CCDC63: variants seen among roughly 807,000 people sequenced by gnomAD.
The protein encoded by CCDC63 is coiled-coil domain-containing protein 63.
In CCDC63, 54 loss-of-function variants were observed where a neutral mutation model predicts 63.6. That is an observed-to-expected ratio of 0.85 (90% CI 0.68 to 1.07). The LOEUF (loss-of-function observed/expected upper bound fraction) is 1.07, where lower values mean the gene tolerates loss of function less well. CCDC63 is among the 50% of genes least tolerant of loss of function. CCDC63 has a pLI of 0.00. For synonymous variants in CCDC63, 253 were observed against 266.1 expected, an observed-to-expected ratio of 0.95 and a Z score of 0.48; for missense variants, 637 against 689.6, an observed-to-expected ratio of 0.92 and a Z score of 0.86.
chr12:110,899,862 G>A (rs748924838), intron 10 of CCDC63, among the ~76,000 whole-genome samples: 4 of 151,608 alleles, frequency 2.6e-5, no homozygotes, highest in South Asian at 4.2e-4. Flanking sequence ...GAAAACTCTC[G>A]GCAAACTAGA....
chr12:110,860,347 C>T (rs1027608137), intron 4 of CCDC63, among the ~76,000 whole-genome samples: 1 of 152,176 alleles, frequency 6.6e-6, no homozygotes, highest in Non-Finnish European at 1.5e-5. Context: ...CATAGCTCTT[C>T]CCACCATTGT....
At chr12:110,868,769 G>GGGAGAGGGAGAT (rs2071022319) in intron 4 of CCDC63, among the ~76,000 whole-genome samples, 1 of 117,326 alleles carries the variant, frequency 8.5e-6, no homozygotes, top group African/African-American at 3.2e-5. Flanking sequence ...GGGAGGGGGA[G>GGGAGAGGGAGAT]GGAGAGGGAG....
intron 11 of CCDC63, among the ~76,000 whole-genome samples, chr12:110,905,612 C>T (rs1450405018): frequency 6.6e-6 from 1 of 151,496 alleles, no homozygotes; most frequent in Non-Finnish European, 1.5e-5. Context: ...GCTCATCCAC[C>T]CATGCAGTGG....
At chr12:110,847,423 T>C (rs1457178098) in intron 1 of CCDC63, among the ~76,000 whole-genome samples, 3 of 151,688 alleles carry the variant, frequency 2.0e-5, no homozygotes, top group East Asian at 3.9e-4. Flanking sequence ...GGCGTGGTGG[T>C]GCCACCTGTA....
At chr12:110,882,985 C>T (rs1405355509) in intron 7 of CCDC63, among the ~76,000 whole-genome samples, 1 of 151,974 alleles carries the variant, frequency 6.6e-6, no homozygotes, top group African/African-American at 2.4e-5. Flanking sequence ...ACTTTGCCCT[C>T]CCGAGTAGCT....
intron 2 of CCDC63, 63 bp downstream of exon 2, chr12:110,853,026 C>A (rs2070725342): frequency 6.5e-7 from 1 of 1,536,032 alleles, no homozygotes; most frequent in African/African-American, 1.4e-5. Flanking sequence ...GTGCCATCCA[C>A]TTTACACGTT....
At position 110,889,335 on chromosome 12, in the gene CCDC63, G is replaced by A. The variant is rs754599975; in HGVS notation, c.1075-3741G>A. On this transcript the variant is annotated intron_variant, in intron 8 of 11. Transcript: ENST00000308208. This position sits in a 1 kb window ranked among gnomAD's most constrained non-coding sequence, Gnocchi z 4.1. The stretch of plus-strand genomic sequence containing the variant: ...AATAAACAACAAGCCCAATACTTAC[G>A]TAAGTTATAGAGTAAGTTAGAAAGG... Among the ~76,000 whole-genome samples, 1 of 152,108 alleles carries A rather than the reference G, an allele frequency of 6.6e-6. No individual in the cohort carries two copies. Among genetic ancestry groups the A allele is most frequent in the Non-Finnish European group, 1.5e-5 (1 of 68,022 alleles).
rs1156844846 is a variant in CCDC63 at position 110,889,449 on chromosome 12, ATC to A, written c.1075-3625_1075-3624del. On this transcript the variant is annotated intron_variant, in intron 8 of 11. Transcript: ENST00000308208. The surrounding 1 kb of genome is among the most constrained non-coding windows in gnomAD (Gnocchi z 4.1). ...GGCCCCGGGCAGTTGAGAAGTTAAG[ATC>A]TGAGTGAACTTACAGGTGAAGGATT... Among the ~76,000 whole-genome samples, 1 of 152,122 alleles carries A rather than the reference ATC, an allele frequency of 6.6e-6. No homozygotes were observed.
intron 5 of CCDC63, 94 bp downstream of exon 5, chr12:110,874,055 C>A: frequency 6.8e-7 from 1 of 1,467,384 alleles, no homozygotes; most frequent in Admixed American, 2.2e-5. Context: ...CAGAACATAC[C>A]CATTTCCCTG....
chr12:110,897,001 C>A (rs568600342), intron 9 of CCDC63, among the ~76,000 whole-genome samples: 36 of 152,310 alleles, frequency 2.4e-4, no homozygotes, highest in African/African-American at 7.0e-4. Context: ...GTCCTGGGAC[C>A]ACACTTTAAG....
At position 110,856,952 on chromosome 12, in the gene CCDC63, A is replaced by G. The variant is rs189776659; in HGVS notation, c.180-1634A>G. Among the ~76,000 whole-genome samples, 5 of 150,178 alleles carry G rather than the reference A, an allele frequency of 3.3e-5. No homozygotes were observed. In the East Asian group the frequency reaches 9.8e-4, roughly 29 times the overall value. ...CAACCTCTGCCACCTGGGCTCAAGC[A>G]ATCCTCCCACCTCAGCTACTTTTAA... On this transcript the variant is annotated intron_variant, in intron 3 of 11. Transcript: ENST00000308208.
At position 110,907,489 on chromosome 12, in the gene CCDC63, G is replaced by A; in HGVS notation, c.*13G>A. ...AGTAACCATGTGAGGTGCATGCATGGGGCCACCTTTGCAACATAACCGAAA... is the reference window on the plus strand; with the variant it reads ...AGTAACCATGTGAGGTGCATGCATGAGGCCACCTTTGCAACATAACCGAAA... On this transcript the variant is annotated 3_prime_UTR_variant, in exon 12 of 12. Transcript: ENST00000308208. This position sits in a 1 kb window ranked among gnomAD's most constrained non-coding sequence, Gnocchi z 4.4. 1 of 1,613,988 alleles carries A rather than the reference G, an allele frequency of 6.2e-7. No individual in the cohort carries two copies.
chr12:110,899,199 G>T, intron 10 of CCDC63, 74 bp downstream of exon 10: 1 of 1,363,986 alleles, frequency 7.3e-7, no homozygotes. Flanking sequence ...ATAAGGCCTT[G>T]CTCTTATGGA....
intron 10 of CCDC63, among the ~76,000 whole-genome samples, chr12:110,900,072 G>A (rs1405969031): frequency 6.6e-6 from 1 of 151,922 alleles, no homozygotes; most frequent in Non-Finnish European, 1.5e-5. Context: ...AAATTAGCTG[G>A]GTGTGGTGGT....
intron 4 of CCDC63, among the ~76,000 whole-genome samples, chr12:110,868,459 C>G (rs1042895727): frequency 6.6e-6 from 1 of 150,588 alleles, no homozygotes; most frequent in Non-Finnish European, 1.5e-5. Flanking sequence ...ACTGAGTGAA[C>G]GAGACTCCGT....
At position 110,857,787 on chromosome 12, in the gene CCDC63, G is replaced by C. The variant is rs533599748; in HGVS notation, c.180-799G>C. ...ACTGGTGGAGCTTAGAGGCTATTAT[G>C]CATCCCTGTGTTGATGCAAACTTGA... is the stretch of plus-strand genomic sequence containing the variant. On this transcript the variant is annotated intron_variant, in intron 3 of 11. Transcript: ENST00000308208. Among the ~76,000 whole-genome samples the C allele has an allele frequency of 2.3e-4, 35 of 152,224 alleles. No homozygotes were observed. The Middle Eastern group carries it at 0.024, about 104-fold the overall frequency.
intron 9 of CCDC63, among the ~76,000 whole-genome samples, chr12:110,894,569 A>G (rs1592784137): frequency 6.6e-6 from 1 of 152,148 alleles, no homozygotes; most frequent in Non-Finnish European, 1.5e-5. Context: ...AGCAAAGCAC[A>G]TGCTGCCCAT....
intron 1 of CCDC63, among the ~76,000 whole-genome samples, chr12:110,850,859 A>G (rs1410505469): frequency 6.6e-6 from 1 of 152,104 alleles, no homozygotes; most frequent in Non-Finnish European, 1.5e-5. Flanking sequence ...TTTTCTGAAC[A>G]CTCCTTTCAG....
chr12:110,876,464 C>A (rs78087594), intron 5 of CCDC63, among the ~76,000 whole-genome samples: 2,821 of 152,176 alleles, frequency 0.019, 88 homozygotes, highest in African/African-American at 0.063. Context: ...GCCCAGGATG[C>A]AACATTTTAG....
Sources: allele counts gnomAD v4.1 joint callset (sites outside exome capture counted in the v4.1 genomes callset), GRCh38; gene constraint gnomAD v4.1.1; non-coding constraint Gnocchi (gnomAD v3.1); transcripts MANE v1.5; gene names NCBI Gene and HGNC (gene_info 2026-07-23, HGNC 2026-07-21).